Variants in D2HGDH observed in about 807,000 individuals in gnomAD.
D2HGDH encodes D-2-hydroxyglutarate dehydrogenase, also known as D-2-hydroxyglutarate dehydrogenase, mitochondrial.
A neutral mutation model predicts 46.9 loss-of-function variants in D2HGDH; 31 were observed. That is an observed-to-expected ratio of 0.66 (90% CI 0.50 to 0.89). D2HGDH has a LOEUF of 0.89. D2HGDH is among the 40% of genes least tolerant of loss of function. The pLI is 0.00. For synonymous variants in D2HGDH, 364 were observed against 332.6 expected (o/e 1.09, Z -1.03); for missense variants, 698 against 720.8 (o/e 0.97, Z 0.36).
Position 241,751,288 on chromosome 2 carries a change from C to A in D2HGDH, c.1040C>A (p.Ala347Glu). ...CTCATCGAGACTTCAGGCTCCAACG[C>A]AGGCCATGACGCTGAGAAGCTGGGC... ...YVLIETSGSNAGHDAEKLGHF... is the reference protein window; with the variant it reads ...YVLIETSGSNEGHDAEKLGHF... The change falls in exon 8 of 10, where the codon GCA (alanine) becomes GAA (glutamate). Residue 347 changes from alanine to glutamate, a missense_variant. Physicochemically the swap from Ala to Glu is moderately radical, Grantham distance 107. Transcript: ENST00000321264. The A allele has an allele frequency of 1.2e-6, 2 of 1,614,032 alleles. No individual in the cohort carries two copies. Among genetic ancestry groups the A allele is most frequent in the Non-Finnish European group, 8.5e-7 (1 of 1,180,046 alleles).
At chr2:241,764,590 G>A (rs1559402451) in intron 9 of D2HGDH, among the ~76,000 whole-genome samples, 1 of 152,272 alleles carries the variant, frequency 6.6e-6, no homozygotes, top group Admixed American at 6.5e-5. Context: ...TCTGGTGGAG[G>A]GAGGGGCCTT....
intron 8 of D2HGDH, chr2:241,754,862 C>A: frequency 2.0e-6 from 1 of 510,112 alleles, no homozygotes. Flanking sequence ...CTCAGCCTCC[C>A]AAAGCTCTGG....
At chr2:241,737,663 G>T (rs1693299407) in intron 2 of D2HGDH, among the ~76,000 whole-genome samples, 1 of 152,112 alleles carries the variant, frequency 6.6e-6, no homozygotes, top group African/African-American at 2.4e-5. Flanking sequence ...CCAGTTCTGT[G>T]GGAGATCGCT....
intron 8 of D2HGDH, chr2:241,755,219 C>T: frequency 7.8e-7 from 1 of 1,288,872 alleles, no homozygotes. Context: ...ACGGCCCGCC[C>T]ACCGTGTCCT....
In D2HGDH at chr2:241,754,261, G is replaced by A. The variant is rs1246539066; in HGVS notation, c.1141-1588G>A. On this transcript the variant is annotated intron_variant, in intron 8 of 9. Coordinates refer to ENST00000321264, the MANE Select transcript of D2HGDH (RefSeq NM_152783.5). ...GAAAGCCGGCCTCGCAGCCGTGCCC[G>A]TGCGGCTGTGACGAAGGGACCGTAG... is the stretch of plus-strand genomic sequence containing the variant. Among the ~76,000 whole-genome samples, 6 of 152,226 alleles carry A rather than the reference G, an allele frequency of 3.9e-5. No homozygotes were observed. In the East Asian group the frequency reaches 7.7e-4, roughly 20 times the overall value.
chr2:241,749,417 C>A, intron 6 of D2HGDH: 1 of 1,230,526 alleles, frequency 8.1e-7, no homozygotes, highest in Non-Finnish European at 1.0e-6. Context: ...CGGGCCCCCT[C>A]CTGCTGCAGC....
rs1443355448 is a variant in D2HGDH, at chr2:241,735,396, C to T, written c.172C>T (p.Pro58Ser). 1 of 1,597,206 alleles carries T rather than the reference C, an allele frequency of 6.3e-7. No individual in the cohort carries two copies. Among genetic ancestry groups the T allele is most frequent in the East Asian group, 2.3e-5 (1 of 44,244 alleles). The part of the protein sequence containing the change: ...TRERYPVRRL[P>S]FSTVSKQDLA... ...GGAGCGCTACCCCGTGCGGCGCTTG[C>T]CGTTCTCCACGGTGTCTAAGCAGGA... Residue 58 changes from proline to serine, a missense_variant, in exon 2 of 10, where the codon CCG (proline) becomes TCG (serine). Pro to Ser is a moderately conservative substitution (Grantham distance 74, BLOSUM62 -1). Coordinates refer to ENST00000321264, the MANE Select transcript of D2HGDH (RefSeq NM_152783.5).
intron 6 of D2HGDH, chr2:241,748,679 C>A: frequency 2.5e-6 from 1 of 399,380 alleles, no homozygotes; most frequent in Non-Finnish European, 3.8e-6. Context: ...GCTGCCCCCA[C>A]ACCGCCTCCT....
chr2:241,761,689 C>T (rs1003229432), intron 9 of D2HGDH, among the ~76,000 whole-genome samples: 3 of 152,112 alleles, frequency 2.0e-5, no homozygotes, highest in Non-Finnish European at 4.4e-5. Context: ...GCATGCTGTT[C>T]GGTGGTGTAT....
chr2:241,747,841 G>T (rs1381296190), intron 6 of D2HGDH, among the ~76,000 whole-genome samples: 1 of 152,090 alleles, frequency 6.6e-6, no homozygotes, highest in Non-Finnish European at 1.5e-5. Context: ...GGGGCTACAG[G>T]CATGAGCACC....
intron 9 of D2HGDH, among the ~76,000 whole-genome samples, chr2:241,756,482 G>T (rs992590852): frequency 1.3e-5 from 2 of 152,192 alleles, no homozygotes; most frequent in Admixed American, 1.3e-4. Flanking sequence ...ATGCTTTAAC[G>T]TGTAAGCTAT....
Position 241,735,404 on chromosome 2 carries a change from C to T in D2HGDH, c.180C>T (p.Ser60=). Residue 60 remains serine, a synonymous_variant, in exon 2 of 10, where the codon TCC becomes TCT. Transcript: ENST00000321264. The part of the protein sequence containing the change: ...ERYPVRRLPF[S]TVSKQDLAAF... ...ACCCCGTGCGGCGCTTGCCGTTCTCCACGGTGTCTAAGCAGGACCTGGCCG... is the reference window on the plus strand; with the variant it reads ...ACCCCGTGCGGCGCTTGCCGTTCTCTACGGTGTCTAAGCAGGACCTGGCCG... The T allele has an allele frequency of 1.9e-6, 3 of 1,602,624 alleles. No homozygotes were observed. The highest frequency in any genetic ancestry group is 1.7e-6 in the Non-Finnish European group (2 of 1,177,204).
Position 241,742,455 on chromosome 2 carries a change from T to C in D2HGDH, c.371T>C (p.Leu124Pro). ...HILRHCHERN[L>P]AVNPQGGNTG... Reference sequence around the variant, plus strand: ...CCCAGGCACTGCCACGAGAGGAACCTGGCCGTGAACCCACAGGGGGGCAAC... The same window carrying C: ...CCCAGGCACTGCCACGAGAGGAACCCGGCCGTGAACCCACAGGGGGGCAAC... The change falls in exon 4 of 10, where the codon CTG (leucine) becomes CCG (proline). Residue 124 changes from leucine to proline, a missense_variant. Transcript: ENST00000321264. The surrounding 1 kb of genome is among the most constrained non-coding windows in gnomAD (Gnocchi z 4.8). 1 of 1,613,192 alleles carries C rather than the reference T, an allele frequency of 6.2e-7. No homozygotes were observed. The highest frequency in any genetic ancestry group is 1.1e-5 in the South Asian group (1 of 90,886).
intron 2 of D2HGDH, among the ~76,000 whole-genome samples, chr2:241,737,176 T>C (rs1353444901): frequency 3.3e-5 from 5 of 152,076 alleles, no homozygotes; most frequent in Non-Finnish European, 7.4e-5. Context: ...TTTATCGTGT[T>C]AGCCAGGATG....
intron 2 of D2HGDH, among the ~76,000 whole-genome samples, chr2:241,737,976 A>C (rs1208406157): frequency 1.3e-5 from 2 of 152,188 alleles, no homozygotes; most frequent in African/African-American, 4.8e-5. Flanking sequence ...GAAAGTTTCC[A>C]GACCGTGTAA....
At chr2:241,755,734 C>G (rs1311281584) in intron 8 of D2HGDH, 115 bp from the exon 9 acceptor site, 1 of 1,595,274 alleles carries the variant, frequency 6.3e-7, no homozygotes, top group Admixed American at 1.7e-5. Context: ...GGGGTCGGAG[C>G]CTCACCTGGT....
rs1328228326 is a variant in D2HGDH at position 241,742,933 on chromosome 2, C to A, written c.490+359C>A. ...CGTGGCAGGCGTGAGGGGATCCTGACCCAGGGCGCCAGGGCGTGGCAGGCG... is the reference window on the plus strand; with the variant it reads ...CGTGGCAGGCGTGAGGGGATCCTGAACCAGGGCGCCAGGGCGTGGCAGGCG... On this transcript the variant is annotated intron_variant, in intron 4 of 9. Coordinates refer to ENST00000321264, the MANE Select transcript of D2HGDH (RefSeq NM_152783.5). The surrounding 1 kb of genome is among the most constrained non-coding windows in gnomAD (Gnocchi z 4.8). Among the ~76,000 whole-genome samples the A allele has an allele frequency of 2.3e-5, 3 of 131,118 alleles. No individual in the cohort carries two copies. Among genetic ancestry groups the A allele is most frequent in the Admixed American group, 2.3e-4 (3 of 13,232 alleles). The allele number at this position is 131,118 out of a possible 152,430, so 86.0% of individuals were successfully genotyped here. A position where few individuals can be genotyped will look rare whatever the true frequency, so the allele number is the denominator to read the frequency against.
chr2:241,735,827 ACGT>A, intron 2 of D2HGDH: 1 of 396,388 alleles, frequency 2.5e-6, no homozygotes, highest in South Asian at 2.7e-5. Flanking sequence ...CAGTGGCGCG[ACGT>A]CGGCTCACTG....
Position 241,751,365 on chromosome 2 carries a change from G to A in D2HGDH, c.1117G>A (p.Ala373Thr), listed in dbSNP as rs747460885. Residue 373 changes from alanine (A) to threonine (T), a missense_variant, in exon 8 of 10, where the codon GCC becomes ACC. Transcript: ENST00000321264. ...GSGLVTDGTM[A>T]TDQRKVKMLW... ...CGGCCTGGTGACCGATGGGACCATG[G>A]CCACCGACCAGAGGAAAGTCAAGGT... 5 of 1,613,432 alleles carry A rather than the reference G, an allele frequency of 3.1e-6. No individual in the cohort carries two copies. In the Admixed American group the frequency reaches 8.3e-5, roughly 27 times the overall value.
Sources: gnomAD v4.1 joint callset for allele counts (sites outside exome capture counted in the v4.1 genomes callset) on GRCh38, gnomAD v4.1.1 for gene constraint, Gnocchi (gnomAD v3.1) non-coding constraint, MANE v1.5 for transcripts, NCBI Gene and HGNC (gene_info 2026-07-23, HGNC 2026-07-21) for gene names.